PCDHGA5: variants seen among roughly 807,000 people sequenced by gnomAD.
The protein encoded by PCDHGA5 is protocadherin gamma subfamily A, 5, also known as protocadherin gamma-A5.
A neutral mutation model predicts 56.7 loss-of-function variants in PCDHGA5; 36 were observed. That is an observed-to-expected ratio of 0.64 (90% CI 0.49 to 0.84). The LOEUF is 0.84. PCDHGA5 is among the 40% of genes least tolerant of loss of function. PCDHGA5 has a pLI of 0.00. For synonymous variants in PCDHGA5, 563 were observed against 520.2 expected (o/e 1.08, Z -1.12); for missense variants, 1,305 against 1,201.5 (o/e 1.09, Z -1.27).
intron 1 of PCDHGA5, among the ~76,000 whole-genome samples, chr5:141,368,535 T>C (rs1765706037): frequency 6.6e-6 from 1 of 152,178 alleles, no homozygotes; most frequent in South Asian, 2.1e-4. Context: ...AAAACTTGCT[T>C]TTCCATTTTT....
chr5:141,478,560 A>G, intron 1 of PCDHGA5: 1 of 1,598,736 alleles, frequency 6.3e-7, no homozygotes, highest in Non-Finnish European at 8.5e-7. Flanking sequence ...AGGTTTAGCA[A>G]GTCATGCTTG....
At chr5:141,376,483 G>T (rs139873493) in intron 1 of PCDHGA5, 17,785 of 1,614,172 alleles carry the variant, frequency 0.011, 127 homozygotes, top group Non-Finnish European at 0.012. Context: ...TACTTGAAAC[G>T]AAAGGAGAAC....
intron 1 of PCDHGA5, among the ~76,000 whole-genome samples, chr5:141,456,359 G>A (rs2098853225): frequency 6.6e-6 from 1 of 152,158 alleles, no homozygotes; most frequent in Non-Finnish European, 1.5e-5. Context: ...TGGCGTCCAT[G>A]TGTGGTTCAG....
In PCDHGA5 at chr5:141,486,370, T is replaced by A; in HGVS notation, c.2422-8437T>A. On this transcript the variant is annotated intron_variant, in intron 1 of 3. Transcript: ENST00000518069. This position sits in a 1 kb window ranked among gnomAD's most constrained non-coding sequence, Gnocchi z 5.0. ...ACCACTTGCCATTTGCCCTCAAGTC[T>A]GCCTTCAGGAACCAGTTCTCCCTGG... 1 of 1,614,106 alleles carries A rather than the reference T, an allele frequency of 6.2e-7. No homozygotes were observed. The highest frequency in any genetic ancestry group is 8.5e-7 in the Non-Finnish European group (1 of 1,179,986).
At chr5:141,369,314 T>C (rs1414185068) in intron 1 of PCDHGA5, among the ~76,000 whole-genome samples, 1 of 152,134 alleles carries the variant, frequency 6.6e-6, no homozygotes, top group Non-Finnish European at 1.5e-5. Flanking sequence ...TTAGGCTACT[T>C]GAGAAGAAAC....
Position 141,490,854 on chromosome 5 carries a change from C to T in PCDHGA5, c.2422-3953C>T. On this transcript the variant is annotated intron_variant, in intron 1 of 3. Transcript: ENST00000518069. The surrounding 1 kb of genome is among the most constrained non-coding windows in gnomAD (Gnocchi z 5.4). The stretch of plus-strand genomic sequence containing the variant: ...TGCAGATTGTGGTGGGGGTTCGAGA[C>T]TCCGGCTCTCCCCCATTGCATGCCA... 6.2e-7 allele frequency: 1 copy of T among 1,613,900 alleles called. No homozygotes were observed. The highest frequency in any genetic ancestry group is 8.5e-7 in the Non-Finnish European group (1 of 1,179,914).
In PCDHGA5 at chr5:141,487,227, G is replaced by A. The variant is rs763361726; in HGVS notation, c.2422-7580G>A. The A allele has an allele frequency of 6.2e-7, 1 of 1,614,070 alleles. No individual in the cohort carries two copies. Among genetic ancestry groups the A allele is most frequent in the Non-Finnish European group, 8.5e-7 (1 of 1,179,952 alleles). On this transcript the variant is annotated intron_variant, in intron 1 of 3. Transcript: ENST00000518069. The surrounding 1 kb of genome is among the most constrained non-coding windows in gnomAD (Gnocchi z 5.0). The stretch of plus-strand genomic sequence containing the variant: ...CGAGAATCTTCAGCTCCAAGGGAAG[G>A]AGAATCTCGTCTAACCCTCTACTTG...
chr5:141,393,306 A>G (rs2092724552), intron 1 of PCDHGA5: 2 of 1,613,734 alleles, frequency 1.2e-6, no homozygotes, highest in African/African-American at 2.7e-5. Flanking sequence ...TGTGGGCGTG[A>G]ACTCCCTCCA....
At position 141,490,176 on chromosome 5, in the gene PCDHGA5, G is replaced by T. The variant is rs758876319; in HGVS notation, c.2422-4631G>T. On this transcript the variant is annotated intron_variant, in intron 1 of 3. Transcript: ENST00000518069. This position sits in a 1 kb window ranked among gnomAD's most constrained non-coding sequence, Gnocchi z 5.4. ...TGTTGGGTCCCATAGACTTTGAGGAGTCACGTTTCTATGAAATTCATGCAA... is the reference window on the plus strand; with the variant it reads ...TGTTGGGTCCCATAGACTTTGAGGATTCACGTTTCTATGAAATTCATGCAA... 12 of 1,614,100 alleles carry T rather than the reference G, an allele frequency of 7.4e-6. No homozygotes were observed. Among genetic ancestry groups the T allele is most frequent in the Non-Finnish European group, 1.0e-5 (12 of 1,180,046 alleles).
At chr5:141,474,419 A>AT (rs1348108901) in intron 1 of PCDHGA5, among the ~76,000 whole-genome samples, 1 of 152,204 alleles carries the variant, frequency 6.6e-6, no homozygotes, top group Non-Finnish European at 1.5e-5. Context: ...TGCCTAGACC[A>AT]TTGGTCCTCA....
At chr5:141,419,182 C>T in intron 1 of PCDHGA5, 2 of 1,613,986 alleles carry the variant, frequency 1.2e-6, no homozygotes, top group Non-Finnish European at 1.7e-6. Context: ...TAACCCTGCA[C>T]ATTACTGACG....
chr5:141,491,284 A>C lies in PCDHGA5; in HGVS notation c.2422-3523A>C. ...AATGCCCAAATCCAGTGACTTCCTC[A>C]TACACCCTCCTGAGCGTTCAGACCT... On this transcript the variant is annotated intron_variant, in intron 1 of 3. Transcript: ENST00000518069. The surrounding 1 kb of genome is among the most constrained non-coding windows in gnomAD (Gnocchi z 6.9). 1.2e-6 allele frequency: 2 copies of C among 1,614,128 alleles called. No homozygotes were observed. The highest frequency in any genetic ancestry group is 1.7e-6 in the Non-Finnish European group (2 of 1,179,978).
chr5:141,409,130 G>T (rs1265386524), intron 1 of PCDHGA5: 1 of 1,613,994 alleles, frequency 6.2e-7, no homozygotes, highest in Admixed American at 1.7e-5. Context: ...ATTTGATTTT[G>T]AAGATGTAGA....
chr5:141,489,846 T>C lies in PCDHGA5; in HGVS notation c.2422-4961T>C. The C allele has an allele frequency of 6.2e-7, 1 of 1,614,190 alleles. No individual in the cohort carries two copies. The highest frequency in any genetic ancestry group is 1.1e-5 in the South Asian group (1 of 91,088). ...TGGTGCTAGAGCAGCAGCTGGATCG[T>C]GAAGCCCAGGCAAGACATCAGCTGG... is the stretch of plus-strand genomic sequence containing the variant. On this transcript the variant is annotated intron_variant, in intron 1 of 3. Coordinates refer to ENST00000518069, the MANE Select transcript of PCDHGA5 (RefSeq NM_018918.3). This position sits in a 1 kb window ranked among gnomAD's most constrained non-coding sequence, Gnocchi z 4.5.
chr5:141,490,517 C>T lies in PCDHGA5; in HGVS notation c.2422-4290C>T. 6.2e-7 allele frequency: 1 copy of T among 1,613,972 alleles called. No homozygotes were observed. The highest frequency in any genetic ancestry group is 2.2e-5 in the East Asian group (1 of 44,854). ...TCCCACTATATCATCGAGCTGCTGG[C>T]CAGCGATGCTGGTTCACCTTCCCTA... On this transcript the variant is annotated intron_variant, in intron 1 of 3. Coordinates refer to ENST00000518069, the MANE Select transcript of PCDHGA5 (RefSeq NM_018918.3). The surrounding 1 kb of genome is among the most constrained non-coding windows in gnomAD (Gnocchi z 5.4).
Position 141,490,348 on chromosome 5 carries a change from G to T in PCDHGA5, c.2422-4459G>T, listed in dbSNP as rs2099698964. On this transcript the variant is annotated intron_variant, in intron 1 of 3. Transcript: ENST00000518069. The surrounding 1 kb of genome is among the most constrained non-coding windows in gnomAD (Gnocchi z 5.4). ...GAGCACACCAGTGGGCACAGTAGTG[G>T]GGTTGTTTAATGTGCGAGACCGGGA... The T allele has an allele frequency of 1.2e-6, 2 of 1,614,080 alleles. No homozygotes were observed. The highest frequency in any genetic ancestry group is 3.3e-5 in the Admixed American group (2 of 60,018).
At chr5:141,393,289 AC>A in intron 1 of PCDHGA5, 2 of 1,613,936 alleles carry the variant, frequency 1.2e-6, no homozygotes, top group Non-Finnish European at 1.7e-6. Flanking sequence ...GAAGCTGTTG[AC>A]CCGGATGTGG....
At position 141,372,855 on chromosome 5, in the gene PCDHGA5, A is replaced by T; in HGVS notation, c.2421+6104A>T. 7 of 1,456,148 alleles carry T rather than the reference A, an allele frequency of 4.8e-6. No homozygotes were observed. The South Asian group carries it at 6.7e-5, about 14-fold the overall frequency. 90.2% of individuals were successfully genotyped at this position (1,456,148 alleles called of 1,614,324 possible). On this transcript the variant is annotated intron_variant, in intron 1 of 3. Transcript: ENST00000518069. ...CCTTCCATAAATATAATTGGGTTTC[A>T]ATTCATTGATTTAGAGATAAAAAGA...
At chr5:141,395,070 T>C (rs1222192652) in intron 1 of PCDHGA5, 1 of 1,614,158 alleles carries the variant, frequency 6.2e-7, no homozygotes, top group Non-Finnish European at 8.5e-7. Context: ...CCTGCAGACC[T>C]ATTCCCAGGA....
Sources: gnomAD v4.1 joint callset for allele counts (sites outside exome capture counted in the v4.1 genomes callset) on GRCh38, gnomAD v4.1.1 for gene constraint, Gnocchi (gnomAD v3.1) non-coding constraint, MANE v1.5 for transcripts, NCBI Gene and HGNC (gene_info 2026-07-23, HGNC 2026-07-21) for gene names.